The following TNR variants were observed in gnomAD, a reference collection of about 807,000 sequenced individuals.
The protein encoded by TNR is tenascin R.
Under a neutral mutation model 150.4 loss-of-function variants are expected in TNR, and 45 were observed. That is an observed-to-expected ratio of 0.30 (90% CI 0.24 to 0.38). The LOEUF (loss-of-function observed/expected upper bound fraction) is 0.38, where lower values mean the gene tolerates loss of function less well. Among genes scored for constraint, TNR ranks in the 10% least tolerant of loss-of-function variants. The pLI is 1.00. For synonymous variants in TNR, 687 were observed against 678.4 expected (o/e 1.01, Z -0.20); for missense variants, 1,544 against 1,759.1 (o/e 0.88, Z 2.19).
intron 1 of TNR, among the ~76,000 whole-genome samples, chr1:175,589,978 C>A (rs1409480101): frequency 6.6e-6 from 1 of 151,892 alleles, no homozygotes; most frequent in African/African-American, 2.4e-5. Flanking sequence ...CACATGTATC[C>A]CAGAACCTAA....
intron 15 of TNR, among the ~76,000 whole-genome samples, chr1:175,358,895 T>TTG (rs1651452730): frequency 6.6e-6 from 1 of 152,196 alleles, no homozygotes; most frequent in Non-Finnish European, 1.5e-5. Flanking sequence ...TAGCCTGTAC[T>TTG]CTCTGTTTCA....
intron 1 of TNR, among the ~76,000 whole-genome samples, chr1:175,574,582 T>TAC (rs1662027229): frequency 6.6e-6 from 1 of 151,196 alleles, no homozygotes. Context: ...TACACACTTG[T>TAC]ACATACACAC....
rs78286301 is a variant in TNR at position 175,477,727 on chromosome 1, A to T, written c.-64+50542T>A. Among the ~76,000 whole-genome samples, 52 of 152,344 alleles carry T rather than the reference A, an allele frequency of 3.4e-4. 3 individuals carry two copies. The East Asian group carries it at 0.01, about 29-fold the overall frequency. ...AGGAAAGCATTTGGGAGAAAATTAG[A>T]TGAAGGCTGTTCTAACGGAGGCACA... On this transcript the variant is annotated intron_variant, in intron 2 of 22. Transcript: ENST00000367674.
intron 18 of TNR, among the ~76,000 whole-genome samples, chr1:175,342,242 A>C (rs1227015139): frequency 6.6e-6 from 1 of 152,176 alleles, no homozygotes; most frequent in South Asian, 2.1e-4. Context: ...TGGGCGTGCA[A>C]TGATGCCTGG....
chr1:175,399,289 T>G (rs1476266312), intron 4 of TNR, among the ~76,000 whole-genome samples: 1 of 152,210 alleles, frequency 6.6e-6, no homozygotes, highest in African/African-American at 2.4e-5. Context: ...TCACCAGCAA[T>G]TCTTAGGGCA....
chr1:175,407,966 C>G (rs892775391), intron 2 of TNR, among the ~76,000 whole-genome samples: 1 of 152,164 alleles, frequency 6.6e-6, no homozygotes, highest in Non-Finnish European at 1.5e-5. Context: ...AGGAATATCG[C>G]GATTAGAAAA....
At chr1:175,548,707 G>A (rs1660817500) in intron 1 of TNR, among the ~76,000 whole-genome samples, 1 of 151,164 alleles carries the variant, frequency 6.6e-6, no homozygotes, top group South Asian at 2.1e-4. Context: ...CTCTCTACTG[G>A]GGAGCACCCG....
At chr1:175,690,900 T>G (rs1666342422) in intron 1 of TNR, among the ~76,000 whole-genome samples, 1 of 152,102 alleles carries the variant, frequency 6.6e-6, no homozygotes, top group African/African-American at 2.4e-5. Context: ...GACTGGCTGA[T>G]GGATTGGATA....
intron 18 of TNR, among the ~76,000 whole-genome samples, chr1:175,342,184 A>AG (rs1197626648): frequency 1.3e-5 from 2 of 152,230 alleles, no homozygotes; most frequent in Non-Finnish European, 2.9e-5. Context: ...TTGAGCTCTA[A>AG]GTGCTCTGGG....
intron 2 of TNR, among the ~76,000 whole-genome samples, chr1:175,459,459 C>A (rs1174996674): frequency 6.6e-6 from 1 of 152,206 alleles, no homozygotes; most frequent in East Asian, 1.9e-4. Flanking sequence ...TTCTCCTGCT[C>A]TCTAATGTGA....
chr1:175,661,015 C>T (rs898154875), intron 1 of TNR, among the ~76,000 whole-genome samples: 3 of 152,198 alleles, frequency 2.0e-5, no homozygotes, highest in Non-Finnish European at 4.4e-5. Context: ...GGATGTGTGT[C>T]GACATTATCA....
At chr1:175,671,249 A>G (rs1475070270) in intron 1 of TNR, among the ~76,000 whole-genome samples, 1 of 152,194 alleles carries the variant, frequency 6.6e-6, no homozygotes, top group Admixed American at 6.5e-5. Flanking sequence ...GTGACCACCC[A>G]GGTCATGGTG....
intron 2 of TNR, among the ~76,000 whole-genome samples, chr1:175,474,229 C>G (rs1171271756): frequency 1.3e-5 from 2 of 152,110 alleles, no homozygotes; most frequent in Non-Finnish European, 2.9e-5. Flanking sequence ...TCCTAACTCT[C>G]AGAACCTCAG....
intron 2 of TNR, among the ~76,000 whole-genome samples, chr1:175,495,283 A>G (rs1264589437): frequency 6.6e-6 from 1 of 152,230 alleles, no homozygotes. Context: ...AACACCTCAC[A>G]GATGTTGTTT....
intron 2 of TNR, among the ~76,000 whole-genome samples, chr1:175,507,279 C>T (rs1046648203): frequency 5.9e-5 from 9 of 152,112 alleles, no homozygotes; most frequent in African/African-American, 1.4e-4. Flanking sequence ...TCATGGGTTG[C>T]CTGGGAATCC....
chr1:175,647,689 A>G (rs6659820), intron 1 of TNR, among the ~76,000 whole-genome samples: 8,094 of 152,248 alleles, frequency 0.053, 535 homozygotes, highest in African/African-American at 0.15. Flanking sequence ...TGGAGTCCTC[A>G]GCAGACTTGA....
chr1:175,657,022 G>A (rs1665198755), intron 1 of TNR, among the ~76,000 whole-genome samples: 1 of 152,062 alleles, frequency 6.6e-6, no homozygotes, highest in South Asian at 2.1e-4. Context: ...GAGGTAAAGT[G>A]GTAGATCCAG....
intron 1 of TNR, among the ~76,000 whole-genome samples, chr1:175,736,718 A>C (rs1250161915): frequency 6.6e-6 from 1 of 151,968 alleles, no homozygotes; most frequent in Non-Finnish European, 1.5e-5. Context: ...CAGCAGAGAG[A>C]GTGGAAGAAC....
chr1:175,429,015 A>G (rs966726061), intron 2 of TNR, among the ~76,000 whole-genome samples: 5 of 152,218 alleles, frequency 3.3e-5, no homozygotes, highest in African/African-American at 1.2e-4. Context: ...AGCAGAAATC[A>G]GAGCCAAGGA....
Sources: allele counts gnomAD v4.1 joint callset (sites outside exome capture counted in the v4.1 genomes callset), GRCh38; gene constraint gnomAD v4.1.1; transcripts MANE v1.5; gene names NCBI Gene and HGNC (gene_info 2026-07-23, HGNC 2026-07-21).